The following PIEZO1 variants were observed in gnomAD, a reference collection of about 807,000 sequenced individuals.
PIEZO1 encodes the protein piezo type mechanosensitive ion channel component 1 (Er blood group).
Under a neutral mutation model 297.2 loss-of-function variants are expected in PIEZO1, and 296 were observed. The observed-to-expected ratio is 1.00, with a 90% CI of 0.91 to 1.10. The LOEUF (loss-of-function observed/expected upper bound fraction) is 1.10. Among genes scored for constraint, PIEZO1 ranks in the 50% least tolerant of loss-of-function variants. PIEZO1 has a pLI of 0.00. For synonymous variants in PIEZO1, 2,427 were observed against 1,507.5 expected, an observed-to-expected ratio of 1.61 and a Z score of -14.13; for missense variants, 5,018 against 3,455.5, an observed-to-expected ratio of 1.45 and a Z score of -11.34.
At position 88,720,660 on chromosome 16, in the gene PIEZO1, T is replaced by C. The variant is rs1340778619; in HGVS notation, c.5757A>G (p.Arg1919=). 2 of 1,546,606 alleles carry C rather than the reference T, an allele frequency of 1.3e-6. No homozygotes were observed. The highest frequency in any genetic ancestry group is 3.9e-5 in the Admixed American group (2 of 50,644). The change falls in exon 40 of 51, where the codon AGA becomes AGG. Residue 1919 remains arginine (R), a synonymous_variant. Transcript: ENST00000301015. ...GCAGCCGCCGCCCGGCCGCCCTTAC[T>C]CTTCCTCCAGAGCGGCTTGGCCTCT... ...REKRPSRSGG[R]VRAAGRRLQG...
At chr16:88,743,242 C>T (rs1473021713) in intron 2 of PIEZO1, 3 of 456,460 alleles carry the variant, frequency 6.6e-6, no homozygotes, top group African/African-American at 2.0e-5. Context: ...CCTGGCTTCA[C>T]CTCTGCTCTC....
chr16:88,784,995 G>T lies in PIEZO1; in HGVS notation c.-31C>A, dbSNP rs1446624088. The T allele has an allele frequency of 2.5e-6, 3 of 1,221,444 alleles. No individual in the cohort carries two copies. The highest frequency in any genetic ancestry group is 4.2e-5 in the Admixed American group (1 of 24,002). The allele number at this position is 1,221,444 out of a possible 1,614,324, so 75.7% of individuals were successfully genotyped here. A position where few individuals can be genotyped will look rare whatever the true frequency, so the allele number is the denominator to read the frequency against. The stretch of plus-strand genomic sequence containing the variant: ...GAGGGCCCAGGGCCCGGCCCAGACC[G>T]AGCGGACGCCGCGGCGCTATGGGGC... On this transcript the variant is annotated 5_prime_UTR_variant, in exon 1 of 51. Coordinates refer to ENST00000301015, the MANE Select transcript of PIEZO1 (RefSeq NM_001142864.4).
rs1905240765 is a variant in PIEZO1 at position 88,736,687 on chromosome 16, G to A, written c.1248C>T (p.Gly416=). The change falls in exon 11 of 51, where the codon GGC becomes GGT. Residue 416 remains glycine (G), a synonymous_variant. Transcript: ENST00000301015. The part of the protein sequence containing the change: ...PREASPLHSL[G]HLIMDQSYVC... ...CATAGCTCTGGTCCATGATGAGGTG[G>A]CCCAGGCTGTGGAGCGGAGACGCCT... The A allele has an allele frequency of 1.3e-6, 2 of 1,532,874 alleles. No individual in the cohort carries two copies. The highest frequency in any genetic ancestry group is 1.7e-6 in the Non-Finnish European group (2 of 1,145,646). 95.0% of individuals were successfully genotyped at this position (1,532,874 alleles called of 1,614,324 possible).
chr16:88,737,653 G>C lies in PIEZO1; in HGVS notation c.1108-7C>G, dbSNP rs1271610461. ...GTGCTGTGGGCACCACGTGCTGTGG[G>C]CAAGCAGCGCTGAGCCATGCACGGG... On this transcript the variant is annotated splice_polypyrimidine_tract_variant and splice_region_variant and intron_variant, in intron 9 of 50. Coordinates refer to ENST00000301015, the MANE Select transcript of PIEZO1 (RefSeq NM_001142864.4). The C allele has an allele frequency of 1.3e-6, 2 of 1,534,502 alleles. No homozygotes were observed. Among genetic ancestry groups the C allele is most frequent in the Non-Finnish European group, 1.7e-6 (2 of 1,145,998 alleles).
chr16:88,772,635 C>A (rs186943812), intron 1 of PIEZO1, among the ~76,000 whole-genome samples: 18 of 152,102 alleles, frequency 1.2e-4, no homozygotes, highest in African/African-American at 4.3e-4. Context: ...AAAAATGAGC[C>A]GGGCGTGATG....
intron 44 of PIEZO1, chr16:88,718,725 T>G (rs1369518652): frequency 1.3e-5 from 2 of 151,164 alleles, no homozygotes; most frequent in African/African-American, 5.0e-5. Flanking sequence ...TTTACTTTTT[T>G]AGAGACAGGG....
In PIEZO1 at chr16:88,723,117, C is replaced by G. The variant is rs951989669; in HGVS notation, c.4473G>C (p.Glu1491Asp). Residue 1491 changes from glutamate to aspartate, a missense_variant, in exon 33 of 51, where the codon GAG (glutamate) becomes GAC (aspartate). Glu to Asp is a conservative substitution (Grantham distance 45, BLOSUM62 2). Transcript: ENST00000301015. ...GGPSQEVEPA[E>D]GPEEAAAGRS... The stretch of plus-strand genomic sequence containing the variant: ...TACCTGCCGCTGCCTCCTCGGGGCC[C>G]TCTGCTGGCTCCACCTCCTGGCTGG... 5.2e-6 allele frequency: 8 copies of G among 1,548,660 alleles called. No homozygotes were observed. Among genetic ancestry groups the G allele is most frequent in the Non-Finnish European group, 7.0e-6 (8 of 1,146,812 alleles).
At position 88,717,083 on chromosome 16, in the gene PIEZO1, C is replaced by T; in HGVS notation, c.6600G>A (p.Val2200=). ...CGATGGGCTGGTTGACAACCCCAAC[C>T]ACGGAGCGCACCAGCGACATGAAGA... ...PLLFMSLVRS[V]VGVVNQPIDV... Residue 2200 remains valine (V), a synonymous_variant, in exon 45 of 51, where the codon GTG becomes GTA. Coordinates refer to ENST00000301015, the MANE Select transcript of PIEZO1 (RefSeq NM_001142864.4). The T allele has an allele frequency of 6.4e-7, 1 of 1,551,164 alleles. No homozygotes were observed. The highest frequency in any genetic ancestry group is 8.7e-7 in the Non-Finnish European group (1 of 1,147,106).
At chr16:88,734,236 C>G in intron 16 of PIEZO1, 120 bp downstream of exon 16, 4 of 1,208,066 alleles carry the variant, frequency 3.3e-6, no homozygotes, top group Non-Finnish European at 4.5e-6. Context: ...TTGGTATGAG[C>G]AAATGCCCCT....
At chr16:88,776,808 AGCCTGTACGTCCTCATGTGT>A (rs1253176471) in intron 1 of PIEZO1, among the ~76,000 whole-genome samples, 6 of 152,310 alleles carry the variant, frequency 3.9e-5, no homozygotes, top group Admixed American at 6.5e-5. Flanking sequence ...ACGGCCCCTG[AGCCTGTACGTCCTCATGTGT>A]GCAACAGGGC....
intron 30 of PIEZO1, among the ~76,000 whole-genome samples, chr16:88,724,456 G>A (rs1278922223): frequency 6.6e-6 from 1 of 152,024 alleles, no homozygotes; most frequent in Admixed American, 6.6e-5. Context: ...CTTTGAACCT[G>A]GGAGGTGGGG....
At chr16:88,756,516 G>A (rs973696316) in intron 1 of PIEZO1, among the ~76,000 whole-genome samples, 5 of 152,238 alleles carry the variant, frequency 3.3e-5, no homozygotes, top group African/African-American at 1.2e-4. Flanking sequence ...CACTTTGGGA[G>A]GCCGAGGCGG....
intron 22 of PIEZO1, among the ~76,000 whole-genome samples, chr16:88,728,060 C>G (rs77833936): frequency 8.5e-4 from 129 of 152,404 alleles, no homozygotes; most frequent in African/African-American, 3.0e-3. Flanking sequence ...CAGCTGGGAA[C>G]GCGCTGCTCA....
At chr16:88,726,112 G>A (rs903993348) in intron 27 of PIEZO1, 172 bp downstream of exon 27, 1 of 615,206 alleles carries the variant, frequency 1.6e-6, no homozygotes, top group East Asian at 2.8e-5. Flanking sequence ...GGCAGAGTGT[G>A]ATGGTGCCGG....
chr16:88,740,493 T>G (rs1905569596), intron 5 of PIEZO1: 1 of 152,266 alleles, frequency 6.6e-6, no homozygotes, highest in Admixed American at 6.5e-5. Flanking sequence ...AGCACAGTCC[T>G]CATGAGCGCT....
At chr16:88,730,400 C>G (rs1255969318) in intron 22 of PIEZO1, among the ~76,000 whole-genome samples, 1 of 151,818 alleles carries the variant, frequency 6.6e-6, no homozygotes. Context: ...GAGTTCAAGA[C>G]CAGCCTGGCC....
rs569518333 is a variant in PIEZO1 at position 88,719,308 on chromosome 16, C to G, written c.6471+266G>C. ...TGCAGCAAACAGTGGCTGTCCGGTCCTCCCTGCACCAGGCCCTGCTCTGCT... is the reference window on the plus strand; with the variant it reads ...TGCAGCAAACAGTGGCTGTCCGGTCGTCCCTGCACCAGGCCCTGCTCTGCT... On this transcript the variant is annotated intron_variant, in intron 44 of 50. Coordinates refer to ENST00000301015, the MANE Select transcript of PIEZO1 (RefSeq NM_001142864.4). 68 of 467,808 alleles carry G rather than the reference C, an allele frequency of 1.5e-4. 1 individual carries two copies. Among genetic ancestry groups the G allele is most frequent in the Non-Finnish European group, 7.7e-6 (2 of 258,294 alleles). The allele number at this position is 467,808 out of a possible 1,614,324, so 29.0% of individuals were successfully genotyped here.
intron 1 of PIEZO1, among the ~76,000 whole-genome samples, chr16:88,756,921 A>G (rs2142876989): frequency 6.8e-6 from 1 of 145,990 alleles, no homozygotes; most frequent in East Asian, 2.1e-4. Flanking sequence ...CTAAAAATAC[A>G]AAAAAGTAGC....
Position 88,782,532 on chromosome 16 carries a change from T to G in PIEZO1, c.64+2369A>C, listed in dbSNP as rs530896172. 1.7e-4 allele frequency among the ~76,000 whole-genome samples: 26 copies of G among 152,280 alleles called. No individual in the cohort carries two copies. In the East Asian group the frequency reaches 3.9e-3, roughly 23 times the overall value. On this transcript the variant is annotated intron_variant, in intron 1 of 50. Coordinates refer to ENST00000301015, the MANE Select transcript of PIEZO1 (RefSeq NM_001142864.4). ...GGTGGGGCAGCTCCCTGCCAGATTT[T>G]TGGGTAATGATCCTGCACTGGAGAG...
Sources: allele counts gnomAD v4.1 joint callset (sites outside exome capture counted in the v4.1 genomes callset), GRCh38; gene constraint gnomAD v4.1.1; transcripts MANE v1.5; gene names NCBI Gene and HGNC (gene_info 2026-07-23, HGNC 2026-07-21).